Variants in LYPD6B observed in about 807,000 individuals in gnomAD.
LYPD6B encodes LY6/PLAUR domain containing 6B.
In LYPD6B, 17 loss-of-function variants were observed where a neutral mutation model predicts 22.8. The ratio of observed to expected loss-of-function variants is 0.75; its 90% CI spans 0.51 to 1.12. LYPD6B has a LOEUF of 1.12. Ranked by LOEUF, LYPD6B falls within the 50% of genes most tolerant of loss-of-function variation. The pLI is 0.00. For synonymous variants in LYPD6B, 106 were observed against 91.6 expected, an observed-to-expected ratio of 1.16 and a Z score of -0.90; for missense variants, 221 against 258.3, an observed-to-expected ratio of 0.86 and a Z score of 0.99.
chr2:149,201,796 A>G (rs1693176062), intron 3 of LYPD6B, among the ~76,000 whole-genome samples: 1 of 152,200 alleles, frequency 6.6e-6, no homozygotes, highest in Admixed American at 6.5e-5. Context: ...ATGAAAATAC[A>G]TTTTGTCTAT....
chr2:149,088,656 T>C (rs1558990659), intron 1 of LYPD6B, among the ~76,000 whole-genome samples: 1 of 152,164 alleles, frequency 6.6e-6, no homozygotes, highest in Non-Finnish European at 1.5e-5. Flanking sequence ...CCTAAAAGTT[T>C]ATCACAAAGG....
At chr2:149,098,110 G>A (rs979745023) in intron 1 of LYPD6B, among the ~76,000 whole-genome samples, 6 of 151,584 alleles carry the variant, frequency 4.0e-5, no homozygotes, top group Admixed American at 2.0e-4. Context: ...AAAATCCTAC[G>A]AGATAATAGA....
At chr2:149,070,847 T>C (rs908108449) in intron 1 of LYPD6B, among the ~76,000 whole-genome samples, 1 of 152,224 alleles carries the variant, frequency 6.6e-6, no homozygotes, top group Non-Finnish European at 1.5e-5. Flanking sequence ...ATGATTCTAC[T>C]ATTTCATACA....
chr2:149,192,819 C>T (rs1323271306), intron 3 of LYPD6B, among the ~76,000 whole-genome samples: 1 of 152,122 alleles, frequency 6.6e-6, no homozygotes, highest in African/African-American at 2.4e-5. Flanking sequence ...AATTGATCTG[C>T]CTCAGAGCCA....
chr2:149,113,297 C>T lies in LYPD6B; in HGVS notation c.-66-17586C>T, dbSNP rs557586668. Among the ~76,000 whole-genome samples, 5 of 152,166 alleles carry T rather than the reference C, an allele frequency of 3.3e-5. No individual in the cohort carries two copies. In the East Asian group the frequency reaches 9.7e-4, roughly 29 times the overall value. On this transcript the variant is annotated intron_variant, in intron 1 of 6. Transcript: ENST00000409642. Reference sequence around the variant, plus strand: ...TTTGGAGGTTGAAGTATGTGATCCCCCTACTTAAAGGATGTGGAATGCTTA... The same window carrying T: ...TTTGGAGGTTGAAGTATGTGATCCCTCTACTTAAAGGATGTGGAATGCTTA...
intron 3 of LYPD6B, among the ~76,000 whole-genome samples, chr2:149,186,009 A>G (rs1448672629): frequency 6.6e-6 from 1 of 152,212 alleles, no homozygotes; most frequent in African/African-American, 2.4e-5. Context: ...GGGCTTCCCT[A>G]TTCCTTGAGA....
chr2:149,206,141 G>A, intron 4 of LYPD6B: 1 of 351,648 alleles, frequency 2.8e-6, no homozygotes, highest in Non-Finnish European at 5.8e-6. Context: ...CATGATGAAA[G>A]GATTTTTAAC....
At chr2:149,093,858 C>T (rs943907825) in intron 1 of LYPD6B, among the ~76,000 whole-genome samples, 7 of 152,188 alleles carry the variant, frequency 4.6e-5, no homozygotes, top group African/African-American at 1.7e-4. Context: ...TTACTCCCAG[C>T]TCTTCTACCA....
intron 1 of LYPD6B, among the ~76,000 whole-genome samples, chr2:149,043,634 T>A (rs1683184787): frequency 6.6e-6 from 1 of 152,158 alleles, no homozygotes; most frequent in African/African-American, 2.4e-5. Context: ...GCAAAAGTTT[T>A]AATTTTGATA....
At chr2:149,126,306 A>G (rs912031730) in intron 1 of LYPD6B, among the ~76,000 whole-genome samples, 2 of 152,194 alleles carry the variant, frequency 1.3e-5, no homozygotes, top group Admixed American at 6.5e-5. Context: ...TGCATGGTTG[A>G]AAATCCATGT....
chr2:149,048,072 G>A (rs1044128648), intron 1 of LYPD6B, among the ~76,000 whole-genome samples: 3 of 151,646 alleles, frequency 2.0e-5, no homozygotes, highest in African/African-American at 7.3e-5. Flanking sequence ...ATTAATTTTG[G>A]TTATTTAAAA....
intron 2 of LYPD6B, among the ~76,000 whole-genome samples, chr2:149,154,339 T>C (rs1218784434): frequency 1.3e-5 from 2 of 152,038 alleles, no homozygotes; most frequent in Non-Finnish European, 2.9e-5. Flanking sequence ...CAATGATTGC[T>C]AGAACTACCA....
chr2:149,060,783 A>G (rs1684040642), intron 1 of LYPD6B, among the ~76,000 whole-genome samples: 1 of 152,098 alleles, frequency 6.6e-6, no homozygotes, highest in African/African-American at 2.4e-5. Context: ...TCACTTCCAA[A>G]AGGGTAGGAG....
intron 1 of LYPD6B, among the ~76,000 whole-genome samples, chr2:149,121,438 GA>G (rs1687349227): frequency 6.6e-6 from 1 of 152,270 alleles, no homozygotes; most frequent in South Asian, 2.1e-4. Context: ...ACATAGAGCT[GA>G]TTTGACTGAC....
chr2:149,207,957 A>G (rs1301953170), intron 4 of LYPD6B, among the ~76,000 whole-genome samples: 1 of 152,258 alleles, frequency 6.6e-6, no homozygotes, highest in Non-Finnish European at 1.5e-5. Flanking sequence ...AGTTCTTTTC[A>G]GGGATGACAC....
At chr2:149,056,957 A>C (rs1015422020) in intron 1 of LYPD6B, among the ~76,000 whole-genome samples, 1 of 152,180 alleles carries the variant, frequency 6.6e-6, no homozygotes, top group South Asian at 2.1e-4. Context: ...TTCTTTGTAA[A>C]GAGCATACCC....
chr2:149,208,590 G>A (rs1693653853), intron 5 of LYPD6B, among the ~76,000 whole-genome samples, 178 bp downstream of exon 5: 1 of 152,142 alleles, frequency 6.6e-6, no homozygotes, highest in Non-Finnish European at 1.5e-5. Flanking sequence ...AGTACCTTAA[G>A]GAAGAATTTC....
rs998844734 is a variant in LYPD6B, at chr2:149,158,762, A to C, written c.6-2002A>C. Among the ~76,000 whole-genome samples, 5 of 152,246 alleles carry C rather than the reference A, an allele frequency of 3.3e-5. No homozygotes were observed. In the South Asian group the frequency reaches 1.0e-3, roughly 32 times the overall value. On this transcript the variant is annotated intron_variant, in intron 2 of 6. Coordinates refer to ENST00000409642, the MANE Select transcript of LYPD6B (RefSeq NM_177964.5). ...GCATATTTGAGACTTATACACATAC[A>C]AACATATAAAATTTAAACTTTGTAT...
At chr2:149,094,232 A>G (rs60220141) in intron 1 of LYPD6B, among the ~76,000 whole-genome samples, 1,718 of 152,344 alleles carry the variant, frequency 0.011, 41 homozygotes, top group African/African-American at 0.039. Context: ...AATGCTTAAG[A>G]AAGGATTCGA....
Sources: allele counts gnomAD v4.1 joint callset (sites outside exome capture counted in the v4.1 genomes callset), GRCh38; gene constraint gnomAD v4.1.1; transcripts MANE v1.5; gene names NCBI Gene and HGNC (gene_info 2026-07-23, HGNC 2026-07-21).